The following EIF4G3 variants were observed in gnomAD, a reference collection of about 807,000 sequenced individuals.
EIF4G3 encodes the protein eIF-4-gamma 3.
In EIF4G3, 34 loss-of-function variants were observed where a neutral mutation model predicts 186.4. The ratio of observed to expected loss-of-function variants is 0.18; its 90% CI spans 0.14 to 0.24. The LOEUF is 0.24. EIF4G3 is among the 10% of genes least tolerant of loss of function. The pLI is 1.00. For missense variants in EIF4G3, 1,536 were observed against 1,948.5 expected (o/e 0.79, Z 3.99); for synonymous variants, 673 against 679.5 (o/e 0.99, Z 0.15).
At chr1:20,847,709 C>G in intron 29 of EIF4G3, 2 of 440,278 alleles carry the variant, frequency 4.5e-6, no homozygotes, top group South Asian at 3.3e-5. Context: ...AGGAGGCTAA[C>G]TGATGAATCA....
chr1:21,143,710 G>A (rs1234049378), intron 2 of EIF4G3, among the ~76,000 whole-genome samples: 1 of 152,150 alleles, frequency 6.6e-6, no homozygotes, highest in Non-Finnish European at 1.5e-5. Context: ...CTTGAGGCCA[G>A]GAGTTTGGGA....
intron 2 of EIF4G3, among the ~76,000 whole-genome samples, chr1:21,113,653 G>C (rs1014535823): frequency 1.3e-5 from 2 of 151,848 alleles, no homozygotes; most frequent in African/African-American, 4.8e-5. Context: ...TCATTCATTG[G>C]TCACCTGGAA....
At chr1:20,916,647 G>T (rs908169465) in intron 14 of EIF4G3, among the ~76,000 whole-genome samples, 2 of 151,960 alleles carry the variant, frequency 1.3e-5, no homozygotes, top group East Asian at 1.9e-4. Flanking sequence ...ACCTAGAATG[G>T]CCAAAACAAC....
chr1:21,142,270 T>C (rs1376448868), intron 2 of EIF4G3, among the ~76,000 whole-genome samples: 3 of 150,942 alleles, frequency 2.0e-5, no homozygotes, highest in African/African-American at 4.9e-5. Context: ...GAGGTTGCGG[T>C]GGGTGGACTG....
chr1:20,967,709 C>T (rs142689895), intron 12 of EIF4G3, among the ~76,000 whole-genome samples: 2,554 of 152,280 alleles, frequency 0.017, 36 homozygotes, highest in Non-Finnish European at 0.026. Flanking sequence ...GGGCTCTAAA[C>T]TCAGCCAGCT....
chr1:20,939,174 G>T (rs191393843), intron 14 of EIF4G3, among the ~76,000 whole-genome samples: 56 of 146,770 alleles, frequency 3.8e-4, no homozygotes, highest in Admixed American at 3.4e-3. Flanking sequence ...ATTTACTGTT[G>T]GATTTTGAAG....
rs374519757 is a variant in EIF4G3 at position 21,023,887 on chromosome 1, G to A, written c.-66-21079C>T. Among the ~76,000 whole-genome samples, 51 of 139,296 alleles carry A rather than the reference G, an allele frequency of 3.7e-4. 1 individual carries two copies. The East Asian group carries it at 9.2e-3, about 25-fold the overall frequency. The allele number at this position is 139,296 out of a possible 152,430, so 91.4% of individuals were successfully genotyped here. A position where few individuals can be genotyped will look rare whatever the true frequency, so the allele number is the denominator to read the frequency against. On this transcript the variant is annotated intron_variant, in intron 4 of 36. Coordinates refer to ENST00000602326, the MANE Select transcript of EIF4G3 (RefSeq NM_001391906.1). ...TGCCCGGCCGCCCATCGTCTGAGAT[G>A]TGGGGAGCGCCTCTGCCCCGCCGCC...
intron 12 of EIF4G3, among the ~76,000 whole-genome samples, chr1:20,961,275 CG>C (rs758160926): frequency 6.6e-6 from 1 of 151,858 alleles, no homozygotes; most frequent in Non-Finnish European, 1.5e-5. Flanking sequence ...CCCAGCTACT[CG>C]GGAGGCTGAG....
At chr1:20,969,822 G>A (rs2075448686) in intron 11 of EIF4G3, among the ~76,000 whole-genome samples, 1 of 152,026 alleles carries the variant, frequency 6.6e-6, no homozygotes, top group African/African-American at 2.4e-5. Flanking sequence ...CTAGTTGGCT[G>A]GATTTCTAGG....
intron 12 of EIF4G3, among the ~76,000 whole-genome samples, chr1:20,953,826 A>C (rs755445549): frequency 3.3e-5 from 5 of 152,212 alleles, no homozygotes; most frequent in African/African-American, 4.8e-5. Context: ...AAAACAAGAG[A>C]CAAACAGTAT....
At chr1:20,889,981 T>G (rs1043797592) in intron 18 of EIF4G3, among the ~76,000 whole-genome samples, 3 of 144,712 alleles carry the variant, frequency 2.1e-5, no homozygotes, top group South Asian at 2.2e-4. Flanking sequence ...TGGTTTTTTG[T>G]TTTTTTTTTT....
chr1:21,139,238 A>G (rs1454087112), intron 2 of EIF4G3, among the ~76,000 whole-genome samples: 1 of 152,214 alleles, frequency 6.6e-6, no homozygotes, highest in Non-Finnish European at 1.5e-5. Flanking sequence ...AAAGAAACTA[A>G]AAGAATATAT....
At chr1:21,038,752 T>C (rs1003107517) in intron 4 of EIF4G3, among the ~76,000 whole-genome samples, 7 of 152,198 alleles carry the variant, frequency 4.6e-5, no homozygotes, top group Non-Finnish European at 8.8e-5. Flanking sequence ...TCCCAGTTCT[T>C]GGGAGTGTCT....
chr1:21,012,901 C>T (rs1055741546), intron 4 of EIF4G3, among the ~76,000 whole-genome samples: 6 of 152,092 alleles, frequency 3.9e-5, no homozygotes, highest in Admixed American at 2.0e-4. Context: ...GTGAGTTCCC[C>T]AAGTGTAAAA....
intron 12 of EIF4G3, among the ~76,000 whole-genome samples, chr1:20,961,050 A>G (rs562140341): frequency 6.6e-6 from 1 of 152,322 alleles, no homozygotes; most frequent in South Asian, 2.1e-4. Context: ...CAGATAAGCA[A>G]TGAGTAGGTC....
In EIF4G3 at chr1:20,980,363, G is replaced by A; in HGVS notation, c.464C>T (p.Pro155Leu). ...PPGPGPFYPGPGPGDFPNAYG... is the reference protein window; with the variant it reads ...PPGPGPFYPGLGPGDFPNAYG... ...AGCATTGGGGAAGTCCCCAGGTCCT[G>A]GTCCAGGATAAAAAGGACCTGGCCC... is the stretch of plus-strand genomic sequence containing the variant. Residue 155 changes from proline (P) to leucine (L), a missense_variant, in exon 10 of 37, where the codon CCA becomes CTA. Around this residue, in one of 11 missense-constraint regions of EIF4G3, gnomAD observed 194 missense variants for 212.8 expected, o/e 0.91. Transcript: ENST00000602326. 1 of 1,550,026 alleles carries A rather than the reference G, an allele frequency of 6.5e-7. No homozygotes were observed. The highest frequency in any genetic ancestry group is 8.6e-7 in the Non-Finnish European group (1 of 1,159,302).
At chr1:20,930,030 C>G (rs1315093207) in intron 14 of EIF4G3, among the ~76,000 whole-genome samples, 1 of 152,162 alleles carries the variant, frequency 6.6e-6, no homozygotes. Context: ...TATGTTTCTA[C>G]TAAACTGTAG....
chr1:21,022,845 A>G (rs934723504), intron 4 of EIF4G3, among the ~76,000 whole-genome samples: 2 of 152,164 alleles, frequency 1.3e-5, no homozygotes, highest in Non-Finnish European at 2.9e-5. Flanking sequence ...CTTTTTTGAT[A>G]TGGCCAACAG....
At chr1:20,891,977 T>A (rs574575340) in intron 18 of EIF4G3, among the ~76,000 whole-genome samples, 1 of 152,244 alleles carries the variant, frequency 6.6e-6, no homozygotes, top group South Asian at 2.1e-4. Context: ...CAATAAACAG[T>A]ATGCTTCAAA....
Sources: gnomAD v4.1 joint callset for allele counts (sites outside exome capture counted in the v4.1 genomes callset) on GRCh38, gnomAD v4.1.1 for gene constraint, gnomAD v4.1.1 regional missense constraint, MANE v1.5 for transcripts, NCBI Gene and HGNC (gene_info 2026-07-23, HGNC 2026-07-21) for gene names.